TF: variants seen among roughly 807,000 people sequenced by gnomAD.
The protein encoded by TF is transferrin.
A neutral mutation model predicts 82.4 loss-of-function variants in TF; 55 were observed. The ratio of observed to expected loss-of-function variants is 0.67; its 90% CI spans 0.54 to 0.84. The LOEUF is 0.84. Ranked by LOEUF, TF falls within the 40% of genes least tolerant of loss-of-function variation. The pLI, the probability that TF is intolerant of heterozygous loss-of-function variation, is 0.00. For synonymous variants in TF, 332 were observed against 332.6 expected, an observed-to-expected ratio of 1.00 and a Z score of 0.02; for missense variants, 737 against 868.4, an observed-to-expected ratio of 0.85 and a Z score of 1.90.
chr3:133,714,897 G>A, the TF span, among the ~76,000 whole-genome samples: 1 of 151,962 alleles, frequency 6.6e-6, no homozygotes, highest in Non-Finnish European at 1.5e-5. Context: ...TGGCCAGGCT[G>A]GTCTTGAACT....
the TF span, among the ~76,000 whole-genome samples, chr3:133,728,213 T>G: frequency 6.6e-6 from 1 of 152,226 alleles, no homozygotes; most frequent in South Asian, 2.1e-4. Context: ...CTTGCTAGAT[T>G]GGGGAAGTTC....
At chr3:133,715,672 C>T in the TF span, among the ~76,000 whole-genome samples, 2 of 152,138 alleles carry the variant, frequency 1.3e-5, no homozygotes, top group South Asian at 4.1e-4. Context: ...TTTAAATCTC[C>T]CCAGGACCCA....
At chr3:133,771,743 C>CAAAAAAAAAAAAAAAAAAAA (rs71136494) in intron 14 of TF, among the ~76,000 whole-genome samples, 27 of 56,542 alleles carry the variant, frequency 4.8e-4, no homozygotes, top group East Asian at 1.0e-3. Context: ...GACTCCGTCT[C>CAAAAAAAAAAAAAAAAAAAA]AAAAAAAAAA....
At chr3:133,753,519 T>A in intron 2 of TF, 76 bp from the exon 3 acceptor site, 2 of 1,317,458 alleles carry the variant, frequency 1.5e-6, no homozygotes, top group Non-Finnish European at 2.2e-6. Context: ...TGGTAGCCAC[T>A]CTCTACTTGT....
At chr3:133,761,985 G>A (rs777782938) in intron 9 of TF, 134 of 160,890 alleles carry the variant, frequency 8.3e-4, no homozygotes, top group Non-Finnish European at 1.5e-3. Flanking sequence ...AATTCTTATC[G>A]GTGGCTAAAA....
chr3:133,693,646 T>G, the TF span, among the ~76,000 whole-genome samples: 2 of 152,266 alleles, frequency 1.3e-5, no homozygotes, highest in South Asian at 4.1e-4. Flanking sequence ...AGCTGTGCAG[T>G]GGCTGGTAGC....
At chr3:133,729,628 C>T in the TF span, among the ~76,000 whole-genome samples, 3 of 152,206 alleles carry the variant, frequency 2.0e-5, no homozygotes, top group Non-Finnish European at 1.5e-5. Flanking sequence ...GGCAATGCCT[C>T]GCCCTGTTTC....
the TF span, chr3:133,712,929 A>T: frequency 2.6e-5 from 4 of 152,576 alleles, no homozygotes; most frequent in East Asian, 7.7e-4. Context: ...AGGAAACAGA[A>T]CTACTGCAAA....
rs1395295708 is a variant in TF, at chr3:133,786,579, T to C, written c.*7959T>C. On this transcript the variant is annotated 3_prime_UTR_variant, in exon 17 of 17. Coordinates refer to ENST00000402696, the MANE Select transcript of TF (RefSeq NM_001063.4). ...AAATGAGTCCTGACTTTACATCTAGTCTTTCTAGATGTTAAAGAGGTTGCT... is the reference window on the plus strand; with the variant it reads ...AAATGAGTCCTGACTTTACATCTAGCCTTTCTAGATGTTAAAGAGGTTGCT... 1 of 152,226 alleles carries C rather than the reference T, an allele frequency of 6.6e-6. No individual in the cohort carries two copies. Among genetic ancestry groups the C allele is most frequent in the Non-Finnish European group, 1.5e-5 (1 of 68,036 alleles). 9.4% of individuals were successfully genotyped at this position (152,226 alleles called of 1,614,324 possible). A position where few individuals can be genotyped will look rare whatever the true frequency, so the allele number is the denominator to read the frequency against.
chr3:133,782,369 A>T lies in TF; in HGVS notation c.*3749A>T, dbSNP rs546031394. The T allele has an allele frequency of 1.3e-5, 2 of 152,228 alleles. No individual in the cohort carries two copies. Among genetic ancestry groups the T allele is most frequent in the Non-Finnish European group, 2.9e-5 (2 of 68,052 alleles). The allele number at this position is 152,228 out of a possible 1,614,324, so 9.4% of individuals were successfully genotyped here. ...CGTTCATTGCAGCATTGCAGCCAAT[A>T]TAGGGAAGCAACCTAAATGCCTGTT... On this transcript the variant is annotated 3_prime_UTR_variant, in exon 17 of 17. Coordinates refer to ENST00000402696, the MANE Select transcript of TF (RefSeq NM_001063.4).
chr3:133,695,639 C>T, the TF span, among the ~76,000 whole-genome samples: 1 of 152,156 alleles, frequency 6.6e-6, no homozygotes, highest in South Asian at 2.1e-4. Context: ...GGGTGAAGCT[C>T]ATTAATGCCA....
chr3:133,761,659 G>C (rs1178132346), intron 9 of TF: 1 of 152,180 alleles, frequency 6.6e-6, no homozygotes, highest in African/African-American at 2.4e-5. Context: ...GTTTATTCTG[G>C]CTTATAATTA....
chr3:133,670,583 T>C, the TF span, among the ~76,000 whole-genome samples: 2 of 152,226 alleles, frequency 1.3e-5, no homozygotes, highest in Non-Finnish European at 2.9e-5. Context: ...ATAATTAACC[T>C]TAGAAGGAAT....
rs571392756 is a variant in TF, at chr3:133,757,584, C to T, written c.871-185C>T. The stretch of plus-strand genomic sequence containing the variant: ...CACAGAAGCAGGTTCAGGCAAATCG[C>T]GGACCCACGAGGGCTACAGGCAGAG... On this transcript the variant is annotated intron_variant, in intron 7 of 16. Transcript: ENST00000402696. 2.0e-5 allele frequency among the ~76,000 whole-genome samples: 3 copies of T among 152,318 alleles called. No individual in the cohort carries two copies. The East Asian group carries it at 5.8e-4, about 29-fold the overall frequency.
Position 133,791,529 on chromosome 3 carries a change from T to C in TF, c.*12909T>C, listed in dbSNP as rs1274564596. The C allele has an allele frequency of 2.0e-5, 3 of 152,182 alleles. No individual in the cohort carries two copies. The highest frequency in any genetic ancestry group is 2.9e-5 in the Non-Finnish European group (2 of 68,034). The allele number at this position is 152,182 out of a possible 1,614,324, so 9.4% of individuals were successfully genotyped here. Reference sequence around the variant, plus strand: ...AGTAAAAGTCACTGTTTATCTCCTCTGTAAAGTTTTGATTAATATAAAAAA... The same window carrying C: ...AGTAAAAGTCACTGTTTATCTCCTCCGTAAAGTTTTGATTAATATAAAAAA... On this transcript the variant is annotated 3_prime_UTR_variant, in exon 17 of 17. Coordinates refer to ENST00000402696, the MANE Select transcript of TF (RefSeq NM_001063.4).
chr3:133,727,960 T>A, the TF span, among the ~76,000 whole-genome samples: 18 of 152,326 alleles, frequency 1.2e-4, no homozygotes, highest in Admixed American at 8.5e-4. Flanking sequence ...AATTCTTTTC[T>A]TTAAGAATGT....
chr3:133,756,275 G>C lies in TF; in HGVS notation c.636-7G>C. ...AGGAGCCCTGCTGATGTGTTTCTTT[G>C]ACCCAGGTGTCTGAAGGATGGTGCT... is the stretch of plus-strand genomic sequence containing the variant. On this transcript the variant is annotated splice_polypyrimidine_tract_variant and splice_region_variant and intron_variant, in intron 5 of 16. Transcript: ENST00000402696. The C allele has an allele frequency of 6.2e-7, 1 of 1,613,920 alleles. No individual in the cohort carries two copies. The highest frequency in any genetic ancestry group is 8.5e-7 in the Non-Finnish European group (1 of 1,179,970).
chr3:133,707,340 G>A, the TF span, among the ~76,000 whole-genome samples: 11 of 152,320 alleles, frequency 7.2e-5, no homozygotes, highest in East Asian at 1.7e-3. Flanking sequence ...CAGTGTGGTA[G>A]GCAAGGGCTT....
At chr3:133,727,203 G>A in the TF span, among the ~76,000 whole-genome samples, 1 of 151,864 alleles carries the variant, frequency 6.6e-6, no homozygotes, top group Non-Finnish European at 1.5e-5. Flanking sequence ...CAATTCCTGG[G>A]TATCCTTGTT....
Sources: gnomAD v4.1 joint callset for allele counts (sites outside exome capture counted in the v4.1 genomes callset) on GRCh38, gnomAD v4.1.1 for gene constraint, MANE v1.5 for transcripts, NCBI Gene and HGNC (gene_info 2026-07-23, HGNC 2026-07-21) for gene names.